CNTN3: variants seen among roughly 807,000 people sequenced by gnomAD.
The protein encoded by CNTN3 is contactin 3, also known as contactin-3.
CNTN3 carries 60 observed loss-of-function variants against 119.1 expected under a neutral mutation model. The ratio of observed to expected loss-of-function variants is 0.50; its 90% CI spans 0.41 to 0.62. The LOEUF (loss-of-function observed/expected upper bound fraction) is 0.62. CNTN3 is among the 20% of genes least tolerant of loss of function. The pLI is 0.00. For synonymous variants in CNTN3, 450 were observed against 438.7 expected (o/e 1.03, Z -0.32); for missense variants, 1,101 against 1,242.4 (o/e 0.89, Z 1.71).
At chr3:74,268,635 C>A (rs1315255383) in intron 20 of CNTN3, among the ~76,000 whole-genome samples, 1 of 152,082 alleles carries the variant, frequency 6.6e-6, no homozygotes, top group Non-Finnish European at 1.5e-5. Context: ...GAGTTTAGGT[C>A]AGCTAAGATT....
intron 1 of CNTN3, among the ~76,000 whole-genome samples, chr3:74,563,475 A>G (rs1017374930): frequency 4.6e-5 from 7 of 152,268 alleles, no homozygotes; most frequent in African/African-American, 1.4e-4. Flanking sequence ...TTACCCTAAC[A>G]TTCCTTTTAC....
chr3:74,457,480 T>C (rs1194159574), intron 4 of CNTN3, among the ~76,000 whole-genome samples: 3 of 152,000 alleles, frequency 2.0e-5, no homozygotes, highest in Non-Finnish European at 4.4e-5. Context: ...AATAATATCA[T>C]TGACCTCAGC....
At chr3:74,476,582 G>T (rs148613435) in intron 4 of CNTN3, among the ~76,000 whole-genome samples, 3 of 152,102 alleles carry the variant, frequency 2.0e-5, no homozygotes, top group Admixed American at 2.0e-4. Flanking sequence ...TCAACAAATC[G>T]CAGGTTAGCA....
intron 20 of CNTN3, among the ~76,000 whole-genome samples, chr3:74,274,167 G>C (rs1370571424): frequency 1.3e-5 from 2 of 152,042 alleles, no homozygotes; most frequent in African/African-American, 2.4e-5. Context: ...TGCTGTAGGA[G>C]GAGGTCAGAC....
At chr3:74,413,886 A>G (rs1701477232) in intron 5 of CNTN3, among the ~76,000 whole-genome samples, 1 of 152,164 alleles carries the variant, frequency 6.6e-6, no homozygotes, top group Non-Finnish European at 1.5e-5. Context: ...CACAAGACCA[A>G]TCTGGGTTTT....
At chr3:74,421,688 A>C (rs115161246) in intron 5 of CNTN3, among the ~76,000 whole-genome samples, 3 of 152,234 alleles carry the variant, frequency 2.0e-5, no homozygotes, top group Non-Finnish European at 4.4e-5. Context: ...AAGGGCAAGC[A>C]CATGTCCTGC....
rs533100344 is a variant in CNTN3, at chr3:74,447,937, C to T, written c.359-22997G>A. ...TAGGGGAATAACTCATTCTGGCAGA[C>T]CCATCAGGATGCAGCCCAGCTTAAA... On this transcript the variant is annotated intron_variant, in intron 4 of 22. Transcript: ENST00000263665. Among the ~76,000 whole-genome samples the T allele has an allele frequency of 2.5e-4, 38 of 152,260 alleles. No homozygotes were observed. In the South Asian group the frequency reaches 7.9e-3, roughly 32 times the overall value.
At chr3:74,344,427 T>C (rs1703633444) in intron 11 of CNTN3, among the ~76,000 whole-genome samples, 1 of 35,728 alleles carries the variant, frequency 2.8e-5, no homozygotes, top group Non-Finnish European at 5.0e-5. Flanking sequence ...TTTTTTTTTT[T>C]TTTTTTTTTT....
intron 4 of CNTN3, among the ~76,000 whole-genome samples, chr3:74,434,413 A>G (rs1198183282): frequency 6.6e-6 from 1 of 152,218 alleles, no homozygotes; most frequent in East Asian, 1.9e-4. Context: ...TTTTTCAAAC[A>G]TGCACAGTTC....
chr3:74,275,647 C>T (rs557424656), intron 20 of CNTN3, among the ~76,000 whole-genome samples: 60 of 151,994 alleles, frequency 3.9e-4, no homozygotes, highest in Admixed American at 1.2e-3. Context: ...ATCCTGGAAA[C>T]GCATCAAAAC....
intron 8 of CNTN3, among the ~76,000 whole-genome samples, chr3:74,366,778 G>GTATATATATATATATATATATATATATA (rs1485995990): frequency 3.9e-4 from 16 of 40,898 alleles, no homozygotes; most frequent in South Asian, 1.7e-3. Flanking sequence ...GTGTGTGTGT[G>GTATATATATATATATATATATATATATA]TGTATATATA....
At chr3:74,549,576 G>A (rs1422929513) in intron 1 of CNTN3, among the ~76,000 whole-genome samples, 1 of 152,022 alleles carries the variant, frequency 6.6e-6, no homozygotes, top group East Asian at 1.9e-4. Flanking sequence ...TGGGTTCGGT[G>A]ATCTGGGGCT....
At chr3:74,268,236 ATT>A (rs1465377283) in intron 20 of CNTN3, among the ~76,000 whole-genome samples, 2 of 152,106 alleles carry the variant, frequency 1.3e-5, no homozygotes, top group African/African-American at 4.8e-5. Context: ...GGCCGATAGT[ATT>A]TGTCAATAGC....
At chr3:74,420,413 C>T (rs1701598269) in intron 5 of CNTN3, among the ~76,000 whole-genome samples, 1 of 152,258 alleles carries the variant, frequency 6.6e-6, no homozygotes, top group East Asian at 1.9e-4. Flanking sequence ...TCTATCTTCC[C>T]AATCTAGTTA....
At chr3:74,511,298 T>C (rs1377208786) in intron 2 of CNTN3, among the ~76,000 whole-genome samples, 1 of 152,068 alleles carries the variant, frequency 6.6e-6, no homozygotes, top group Non-Finnish European at 1.5e-5. Flanking sequence ...GAGTAAGACA[T>C]CCATGGATGT....
In CNTN3 at chr3:74,365,623, G is replaced by A. The variant is rs531393702; in HGVS notation, c.1026C>T (p.Ser342=). ...ATCGGTAGGAAGGCTTGGGCTTGCCGCTTGCCCTGCATTCCCAATAAAGAC... is the reference window on the plus strand; with the variant it reads ...ATCGGTAGGAAGGCTTGGGCTTGCCACTTGCCCTGCATTCCCAATAAAGAC... ...EDSLYWECRA[S]GKPKPSYRWL... is the part of the protein sequence containing the mutation. The change falls in exon 9 of 23, where the codon AGC becomes AGT. Residue 342 remains serine (S), a synonymous_variant. Coordinates refer to ENST00000263665, the MANE Select transcript of CNTN3 (RefSeq NM_020872.3). The A allele has an allele frequency of 3.3e-5, 53 of 1,613,474 alleles. No individual in the cohort carries two copies. Among genetic ancestry groups the A allele is most frequent in the South Asian group, 1.8e-4 (16 of 91,056 alleles).
chr3:74,469,934 G>A (rs1702530029), intron 4 of CNTN3, among the ~76,000 whole-genome samples: 1 of 152,130 alleles, frequency 6.6e-6, no homozygotes, highest in African/African-American at 2.4e-5. Flanking sequence ...TTATAGCAAT[G>A]AAAAAGCAGA....
At position 74,494,150 on chromosome 3, in the gene CNTN3, T is replaced by TC. The variant is rs1179915973; in HGVS notation, c.182+5508dup. On this transcript the variant is annotated intron_variant, in intron 3 of 22. Coordinates refer to ENST00000263665, the MANE Select transcript of CNTN3 (RefSeq NM_020872.3). ...CCTCTATTCTCCTTTAAAGCAGCCC[T>TC]CCTCATACGAACCTGGCCTGGCCAG... Among the ~76,000 whole-genome samples, 10 of 152,146 alleles carry TC rather than the reference T, an allele frequency of 6.6e-5. No homozygotes were observed. The South Asian group carries it at 1.7e-3, about 25-fold the overall frequency.
intron 13 of CNTN3, among the ~76,000 whole-genome samples, chr3:74,328,408 C>G (rs1281683371): frequency 3.3e-5 from 5 of 152,172 alleles, no homozygotes; most frequent in African/African-American, 1.2e-4. Context: ...TTGTTGCACT[C>G]TCCTTCTGTT....
Sources: allele counts gnomAD v4.1 joint callset (sites outside exome capture counted in the v4.1 genomes callset), GRCh38; gene constraint gnomAD v4.1.1; transcripts MANE v1.5; gene names NCBI Gene and HGNC (gene_info 2026-07-23, HGNC 2026-07-21).